ST6GALNAC5: variants seen among roughly 807,000 people sequenced by gnomAD.
ST6GALNAC5 encodes the protein alpha-N-acetylgalactosaminide alpha-2,6-sialyltransferase 5.
In ST6GALNAC5, 27 loss-of-function variants were observed where a neutral mutation model predicts 33.6. The ratio of observed to expected loss-of-function variants is 0.80; its 90% CI spans 0.59 to 1.11. The LOEUF (loss-of-function observed/expected upper bound fraction) is 1.11, where lower values mean the gene tolerates loss of function less well. ST6GALNAC5 is among the 50% of genes least tolerant of loss of function. ST6GALNAC5 has a pLI of 0.00. For missense variants in ST6GALNAC5, 428 were observed against 454.0 expected (o/e 0.94, Z 0.52); for synonymous variants, 194 against 171.2 (o/e 1.13, Z -1.04).
Position 77,037,786 on chromosome 1 carries a change from T to G in ST6GALNAC5, c.262-6418T>G, listed in dbSNP as rs989283236. On this transcript the variant is annotated intron_variant, in intron 2 of 4. Transcript: ENST00000477717. ...AACTACAAGACAATGGGGGCTTAGA[T>G]GAAGATGGTGGCAGCAGGGATGGTG... Among the ~76,000 whole-genome samples the G allele has an allele frequency of 2.0e-5, 3 of 152,218 alleles. 1 individual carries two copies. The highest frequency in any genetic ancestry group is 2.9e-5 in the Non-Finnish European group (2 of 68,014).
At chr1:76,926,658 G>T (rs1647089182) in intron 2 of ST6GALNAC5, among the ~76,000 whole-genome samples, 3 of 152,090 alleles carry the variant, frequency 2.0e-5, no homozygotes, top group Non-Finnish European at 4.4e-5. Context: ...CCTTGTACAT[G>T]CATTCTTGTG....
Position 77,062,961 on chromosome 1 carries a change from A to G in ST6GALNAC5, c.780-14A>G. 1.9e-6 allele frequency: 3 copies of G among 1,604,342 alleles called. No individual in the cohort carries two copies. The highest frequency in any genetic ancestry group is 1.7e-5 in the Admixed American group (1 of 59,654). On this transcript the variant is annotated splice_polypyrimidine_tract_variant and intron_variant, in intron 4 of 4. Coordinates refer to ENST00000477717, the MANE Select transcript of ST6GALNAC5 (RefSeq NM_030965.3). ...TTTTTTGCTTTAATCAGTTATCTCA[A>G]TTTCCTCCTACAGGGATCCCAATCA...
intron 2 of ST6GALNAC5, among the ~76,000 whole-genome samples, chr1:76,934,757 C>T (rs540512028): frequency 1.3e-5 from 2 of 151,992 alleles, no homozygotes; most frequent in East Asian, 3.9e-4. Flanking sequence ...AATGGGAAGC[C>T]TTTGCTAGTC....
At chr1:76,990,653 CTCCAT>C (rs1248104307) in intron 2 of ST6GALNAC5, among the ~76,000 whole-genome samples, 3 of 152,154 alleles carry the variant, frequency 2.0e-5, no homozygotes, top group African/African-American at 7.2e-5. Context: ...TGAATACACT[CTCCAT>C]TCAAGAGCCG....
intron 2 of ST6GALNAC5, among the ~76,000 whole-genome samples, chr1:77,031,187 C>T (rs916761612): frequency 5.9e-5 from 9 of 152,274 alleles, no homozygotes; most frequent in South Asian, 2.1e-4. Flanking sequence ...AATGAGTAGA[C>T]GGTGCCTTTG....
intron 2 of ST6GALNAC5, among the ~76,000 whole-genome samples, chr1:76,987,043 A>G (rs1649532775): frequency 6.6e-6 from 1 of 152,192 alleles, no homozygotes; most frequent in Non-Finnish European, 1.5e-5. Flanking sequence ...GGGGAGGGAT[A>G]GCATTAGGAG....
At chr1:76,968,037 G>C (rs575361320) in intron 2 of ST6GALNAC5, among the ~76,000 whole-genome samples, 3 of 152,318 alleles carry the variant, frequency 2.0e-5, no homozygotes, top group South Asian at 4.1e-4. Flanking sequence ...GCGATGTGGT[G>C]CTGAGAAGAA....
chr1:76,932,081 C>G (rs1412848219), intron 2 of ST6GALNAC5, among the ~76,000 whole-genome samples: 1 of 151,972 alleles, frequency 6.6e-6, no homozygotes. Flanking sequence ...CAGTGAATCA[C>G]TAAGTTAGGA....
chr1:76,891,296 G>C lies in ST6GALNAC5; in HGVS notation c.261+22554G>C, dbSNP rs112363889. Reference sequence around the variant, plus strand: ...TTTTAAATCTTAGCCATCCTATCAGGTATAAAGTAGTATCTCCTTGTAGTT... The same window carrying C: ...TTTTAAATCTTAGCCATCCTATCAGCTATAAAGTAGTATCTCCTTGTAGTT... On this transcript the variant is annotated intron_variant, in intron 2 of 4. Coordinates refer to ENST00000477717, the MANE Select transcript of ST6GALNAC5 (RefSeq NM_030965.3). 5.9e-5 allele frequency among the ~76,000 whole-genome samples: 9 copies of C among 152,190 alleles called. 1 individual carries two copies. Among genetic ancestry groups the C allele is most frequent in the African/African-American group, 2.2e-4 (9 of 41,540 alleles).
Position 77,064,187 on chromosome 1 carries a change from G to A in ST6GALNAC5, c.*981G>A, listed in dbSNP as rs1457480896. ...TAGGTTTCATCCCAAATCTAAACTTGTGGCCTCTTCTTGACCCATTTGAAG... is the reference window on the plus strand; with the variant it reads ...TAGGTTTCATCCCAAATCTAAACTTATGGCCTCTTCTTGACCCATTTGAAG... On this transcript the variant is annotated 3_prime_UTR_variant, in exon 5 of 5. Coordinates refer to ENST00000477717, the MANE Select transcript of ST6GALNAC5 (RefSeq NM_030965.3). 1 of 152,106 alleles carries A rather than the reference G, an allele frequency of 6.6e-6. No individual in the cohort carries two copies. Among genetic ancestry groups the A allele is most frequent in the Non-Finnish European group, 1.5e-5 (1 of 68,030 alleles). 9.4% of individuals were successfully genotyped at this position (152,106 alleles called of 1,614,324 possible). A position where few individuals can be genotyped will look rare whatever the true frequency, so the allele number is the denominator to read the frequency against.
At chr1:76,942,558 G>A (rs1440923133) in intron 2 of ST6GALNAC5, among the ~76,000 whole-genome samples, 1 of 152,112 alleles carries the variant, frequency 6.6e-6, no homozygotes, top group Non-Finnish European at 1.5e-5. Context: ...GAACAGTGGG[G>A]CACAGAACAG....
At chr1:76,901,939 T>C (rs749938170) in intron 2 of ST6GALNAC5, among the ~76,000 whole-genome samples, 29 of 152,196 alleles carry the variant, frequency 1.9e-4, no homozygotes, top group Non-Finnish European at 3.5e-4. Flanking sequence ...ACTGAGAAAG[T>C]GGAAGTTATC....
At chr1:77,038,931 T>A (rs1651746253) in intron 2 of ST6GALNAC5, among the ~76,000 whole-genome samples, 1 of 152,200 alleles carries the variant, frequency 6.6e-6, no homozygotes, top group Admixed American at 6.5e-5. Flanking sequence ...GAGAAACTCA[T>A]TCACACATTC....
At chr1:77,015,516 T>A (rs2100428953) in intron 2 of ST6GALNAC5, among the ~76,000 whole-genome samples, 1 of 152,282 alleles carries the variant, frequency 6.6e-6, no homozygotes, top group African/African-American at 2.4e-5. Context: ...AATATGTACA[T>A]ATATTATGTA....
chr1:76,981,525 C>T (rs1649250771), intron 2 of ST6GALNAC5, among the ~76,000 whole-genome samples: 1 of 152,214 alleles, frequency 6.6e-6, no homozygotes, highest in Non-Finnish European at 1.5e-5. Context: ...CTTGACAAGA[C>T]CTACTGCCTC....
chr1:76,956,896 C>T (rs891538953), intron 2 of ST6GALNAC5, among the ~76,000 whole-genome samples: 3 of 152,060 alleles, frequency 2.0e-5, no homozygotes, highest in Non-Finnish European at 4.4e-5. Flanking sequence ...ACTGAGGGTC[C>T]GACGACTCCT....
At position 76,920,899 on chromosome 1, in the gene ST6GALNAC5, T is replaced by G. The variant is rs574617015; in HGVS notation, c.261+52157T>G. 3.3e-5 allele frequency among the ~76,000 whole-genome samples: 5 copies of G among 152,186 alleles called. No individual in the cohort carries two copies. The South Asian group carries it at 8.3e-4, about 25-fold the overall frequency. Reference sequence around the variant, plus strand: ...GGAAAGTAGAATAGAGAGCTCAAGGTGGGTTGCTGTAGTGTAAACCATCAT... The same window carrying G: ...GGAAAGTAGAATAGAGAGCTCAAGGGGGGTTGCTGTAGTGTAAACCATCAT... On this transcript the variant is annotated intron_variant, in intron 2 of 4. Transcript: ENST00000477717.
At chr1:76,928,057 G>A (rs957267295) in intron 2 of ST6GALNAC5, among the ~76,000 whole-genome samples, 1 of 151,866 alleles carries the variant, frequency 6.6e-6, no homozygotes, top group African/African-American at 2.4e-5. Context: ...CAATCTGGGA[G>A]TACATGGTTG....
In ST6GALNAC5 at chr1:76,955,504, C is replaced by CATT. The variant is rs370757854; in HGVS notation, c.261+86764_261+86765insTAT. Among the ~76,000 whole-genome samples the CATT allele has an allele frequency of 2.3e-3, 343 of 152,248 alleles. 1 individual carries two copies. Among genetic ancestry groups the CATT allele is most frequent in the African/African-American group, 7.8e-3 (323 of 41,562 alleles). ...ATGTTTTTCTGTGATATTCCCCACT[C>CATT]ATGCCTTTTTTAACATAGAGTAAAT... On this transcript the variant is annotated intron_variant, in intron 2 of 4. Transcript: ENST00000477717.
Sources: allele counts gnomAD v4.1 joint callset (sites outside exome capture counted in the v4.1 genomes callset), GRCh38; gene constraint gnomAD v4.1.1; transcripts MANE v1.5; gene names NCBI Gene and HGNC (gene_info 2026-07-23, HGNC 2026-07-21).